Variants in GPC5 observed in about 807,000 individuals in gnomAD.
The protein encoded by GPC5 is glypican 5.
A neutral mutation model predicts 53.9 loss-of-function variants in GPC5; 47 were observed. That is an observed-to-expected ratio of 0.87 (90% CI 0.69 to 1.11). The LOEUF (loss-of-function observed/expected upper bound fraction) is 1.11. GPC5 is among the 50% of genes most tolerant of loss of function. GPC5 has a pLI of 0.00. For synonymous variants in GPC5, 286 were observed against 263.3 expected, an observed-to-expected ratio of 1.09 and a Z score of -0.84; for missense variants, 748 against 713.1, an observed-to-expected ratio of 1.05 and a Z score of -0.56.
chr13:92,595,789 A>G (rs1883859691), intron 7 of GPC5, among the ~76,000 whole-genome samples: 1 of 149,484 alleles, frequency 6.7e-6, no homozygotes, highest in African/African-American at 2.5e-5. Context: ...AAAAAAAAAG[A>G]TAGTATTTAC....
Position 91,959,098 on chromosome 13 carries a change from ACAC to A in GPC5, c.1401+51042_1401+51044del, listed in dbSNP as rs1566364070. Among the ~76,000 whole-genome samples, 580 of 149,424 alleles carry A rather than the reference ACAC, an allele frequency of 3.9e-3. 4 individuals carry two copies. The highest frequency in any genetic ancestry group is 0.014 in the African/African-American group (553 of 39,756). ...CACACACACACACACACACACACAC[ACAC>A]ATCAATGATGAAACAGAAAGTTGTT... is the stretch of plus-strand genomic sequence containing the variant. On this transcript the variant is annotated intron_variant, in intron 6 of 7. Coordinates refer to ENST00000377067, the MANE Select transcript of GPC5 (RefSeq NM_004466.6).
chr13:91,581,084 A>G (rs1566525612), intron 2 of GPC5, among the ~76,000 whole-genome samples: 2 of 152,172 alleles, frequency 1.3e-5, no homozygotes, highest in African/African-American at 4.8e-5. Flanking sequence ...TATGGGGGAA[A>G]CTGCCTCCAT....
rs563648509 is a variant in GPC5, at chr13:91,440,838, G to T, written c.164-7923G>T. ...TTCCTTCATCCTTAGCTTGCCAAGA[G>T]CTAGGTTGCTTATAGACTGCACAAG... On this transcript the variant is annotated intron_variant, in intron 1 of 7. Transcript: ENST00000377067. 2.0e-5 allele frequency among the ~76,000 whole-genome samples: 3 copies of T among 152,274 alleles called. No homozygotes were observed. The East Asian group carries it at 5.8e-4, about 29-fold the overall frequency.
chr13:92,535,462 T>C (rs760108691), intron 7 of GPC5, among the ~76,000 whole-genome samples: 15 of 151,940 alleles, frequency 9.9e-5, no homozygotes, highest in Non-Finnish European at 1.8e-4. Flanking sequence ...GTGGTTTATA[T>C]AGAGGGAAAG....
chr13:91,474,751 T>C (rs1882835970), intron 2 of GPC5, among the ~76,000 whole-genome samples: 1 of 152,146 alleles, frequency 6.6e-6, no homozygotes, highest in African/African-American at 2.4e-5. Flanking sequence ...TCAAATATAG[T>C]TGATGAAAAA....
chr13:91,480,047 A>G (rs1265031323), intron 2 of GPC5, among the ~76,000 whole-genome samples: 1 of 152,202 alleles, frequency 6.6e-6, no homozygotes, highest in African/African-American at 2.4e-5. Flanking sequence ...TTATGCTATG[A>G]GACTAGAATC....
chr13:91,405,349 C>A (rs1336829068), intron 1 of GPC5, among the ~76,000 whole-genome samples: 1 of 152,124 alleles, frequency 6.6e-6, no homozygotes, highest in Non-Finnish European at 1.5e-5. Flanking sequence ...GTCGTGATGA[C>A]CAAAAATGAC....
chr13:92,680,952 A>C (rs1467548896), intron 7 of GPC5, among the ~76,000 whole-genome samples: 1 of 152,072 alleles, frequency 6.6e-6, no homozygotes, highest in Non-Finnish European at 1.5e-5. Context: ...TCCCTCAGGT[A>C]CCTCCATTTA....
chr13:92,482,515 T>C (rs1307796429), intron 7 of GPC5, among the ~76,000 whole-genome samples: 15 of 152,246 alleles, frequency 9.9e-5, no homozygotes, highest in Admixed American at 8.5e-4. Flanking sequence ...GCAGCATTGC[T>C]TGTAGAGTAA....
At chr13:92,146,394 A>G (rs2041867618) in intron 7 of GPC5, among the ~76,000 whole-genome samples, 1 of 152,108 alleles carries the variant, frequency 6.6e-6, no homozygotes, top group African/African-American at 2.4e-5. Context: ...TAGGGCATGT[A>G]TTCTTAGTGG....
intron 7 of GPC5, among the ~76,000 whole-genome samples, chr13:92,351,258 C>A (rs1178998596): frequency 6.6e-6 from 1 of 151,546 alleles, no homozygotes; most frequent in South Asian, 2.1e-4. Flanking sequence ...TAACTACATA[C>A]AAAGTAGAGA....
At chr13:92,442,207 T>C (rs76187136) in intron 7 of GPC5, among the ~76,000 whole-genome samples, 1,705 of 152,318 alleles carry the variant, frequency 0.011, 36 homozygotes, top group African/African-American at 0.039. Flanking sequence ...TAGCTATCTA[T>C]TGAAAAATCA....
chr13:91,496,866 A>G (rs115577623), intron 2 of GPC5, among the ~76,000 whole-genome samples: 2,291 of 152,294 alleles, frequency 0.015, 56 homozygotes, highest in African/African-American at 0.052. Context: ...GCATGCCTGT[A>G]TTAAAGTATC....
chr13:92,404,548 T>G (rs1225870401), intron 7 of GPC5, among the ~76,000 whole-genome samples: 1 of 152,222 alleles, frequency 6.6e-6, no homozygotes, highest in Non-Finnish European at 1.5e-5. Context: ...ACAATAAAAT[T>G]TTATTAATTT....
rs532906885 is a variant in GPC5, at chr13:92,627,188, C to T, written c.1562-239094C>T. 5.3e-5 allele frequency among the ~76,000 whole-genome samples: 8 copies of T among 152,288 alleles called. No individual in the cohort carries two copies. The South Asian group carries it at 1.7e-3, about 32-fold the overall frequency. On this transcript the variant is annotated intron_variant, in intron 7 of 7. Transcript: ENST00000377067. ...CCTGTAGTCCTTTTAGAAGAATTATCTTGTCAGACTATTTTCCTTCTAACA... is the reference window on the plus strand; with the variant it reads ...CCTGTAGTCCTTTTAGAAGAATTATTTTGTCAGACTATTTTCCTTCTAACA...
At chr13:91,889,918 A>G (rs1269801008) in intron 5 of GPC5, among the ~76,000 whole-genome samples, 2 of 152,240 alleles carry the variant, frequency 1.3e-5, no homozygotes, top group East Asian at 3.8e-4. Context: ...AATAGGTGCA[A>G]GGTGTCAACC....
At chr13:91,594,908 A>C (rs886200159) in intron 2 of GPC5, among the ~76,000 whole-genome samples, 7 of 152,024 alleles carry the variant, frequency 4.6e-5, no homozygotes, top group African/African-American at 1.4e-4. Flanking sequence ...TCCCTCAAGC[A>C]GTCTTTCCAT....
At chr13:91,861,217 A>T (rs1277342526) in intron 5 of GPC5, among the ~76,000 whole-genome samples, 6 of 152,248 alleles carry the variant, frequency 3.9e-5, no homozygotes, top group Non-Finnish European at 8.8e-5. Flanking sequence ...ATAAATGTCA[A>T]TAAGATCAAA....
rs370452114 is a variant in GPC5, at chr13:92,605,075, A to G, written c.1562-261207A>G. Among the ~76,000 whole-genome samples the G allele has an allele frequency of 4.6e-5, 7 of 152,346 alleles. No individual in the cohort carries two copies. The East Asian group carries it at 1.4e-3, about 29-fold the overall frequency. On this transcript the variant is annotated intron_variant, in intron 7 of 7. Coordinates refer to ENST00000377067, the MANE Select transcript of GPC5 (RefSeq NM_004466.6). ...ATTGAACACACGTGAACACTATGCA[A>G]TCTTGATTAGAGAATTGTTAATCAA...
Sources: gnomAD v4.1 joint callset for allele counts (sites outside exome capture counted in the v4.1 genomes callset) on GRCh38, gnomAD v4.1.1 for gene constraint, MANE v1.5 for transcripts, NCBI Gene and HGNC (gene_info 2026-07-23, HGNC 2026-07-21) for gene names.